Variants in INPP4B observed in about 807,000 individuals in gnomAD.
The protein encoded by INPP4B is inositol polyphosphate-4-phosphatase type II B, also known as inositol polyphosphate 4-phosphatase type II.
INPP4B carries 55 observed loss-of-function variants against 122.5 expected under a neutral mutation model. The ratio of observed to expected loss-of-function variants is 0.45; its 90% CI spans 0.36 to 0.56. INPP4B has a LOEUF of 0.56. INPP4B is among the 20% of genes least tolerant of loss of function. INPP4B has a pLI of 0.00. For missense variants in INPP4B, 1,000 were observed against 1,097.7 expected (o/e 0.91, Z 1.26); for synonymous variants, 403 against 388.7 (o/e 1.04, Z -0.43).
rs1191185119 is a variant in INPP4B, at chr4:142,538,037, TAAC to T, written c.-190-75314_-190-75312del. Among the ~76,000 whole-genome samples the T allele has an allele frequency of 2.6e-5, 4 of 151,990 alleles. No homozygotes were observed. In the East Asian group the frequency reaches 5.8e-4, roughly 22 times the overall value. ...TGGAGAACTTTTATACCTTAAAAAA[TAAC>T]AACAACAAAACCCTTACCTAGACCT... On this transcript the variant is annotated intron_variant, in intron 2 of 25. Coordinates refer to ENST00000262992, the MANE Select transcript of INPP4B (RefSeq NM_001101669.3).
intron 2 of INPP4B, among the ~76,000 whole-genome samples, chr4:142,494,126 T>C (rs1366194777): frequency 1.3e-5 from 2 of 152,164 alleles, no homozygotes; most frequent in Non-Finnish European, 2.9e-5. Flanking sequence ...ACCATGATTG[T>C]AAGTTTCCTG....
At chr4:142,112,440 T>C (rs1790672921) in intron 22 of INPP4B, 102 bp downstream of exon 22, 7 of 1,149,756 alleles carry the variant, frequency 6.1e-6, no homozygotes, top group Non-Finnish European at 8.8e-6. Context: ...ATGTTACTCA[T>C]AAATTGATGT....
chr4:142,094,557 G>A (rs1358293883), intron 23 of INPP4B, among the ~76,000 whole-genome samples: 1 of 152,168 alleles, frequency 6.6e-6, no homozygotes. Context: ...CCGTGCAAGA[G>A]CCAGACTGCT....
At chr4:142,497,226 A>G (rs1487169741) in intron 2 of INPP4B, among the ~76,000 whole-genome samples, 1 of 152,132 alleles carries the variant, frequency 6.6e-6, no homozygotes, top group Non-Finnish European at 1.5e-5. Flanking sequence ...CTCTGGTTGT[A>G]ACTAATGTGA....
intron 1 of INPP4B, among the ~76,000 whole-genome samples, chr4:142,769,073 A>G (rs977421946): frequency 2.0e-5 from 3 of 152,186 alleles, no homozygotes; most frequent in African/African-American, 7.2e-5. Flanking sequence ...ATAAGTTTTG[A>G]TGATTGGATA....
chr4:142,754,792 A>G (rs1445622283), intron 1 of INPP4B, among the ~76,000 whole-genome samples: 1 of 152,020 alleles, frequency 6.6e-6, no homozygotes, highest in Non-Finnish European at 1.5e-5. Flanking sequence ...GGCGTCAGAT[A>G]AAATTGCTTA....
At chr4:142,444,279 T>C (rs1812435199) in intron 3 of INPP4B, among the ~76,000 whole-genome samples, 1 of 152,122 alleles carries the variant, frequency 6.6e-6, no homozygotes, top group Non-Finnish European at 1.5e-5. Context: ...GTCAAATGGA[T>C]AGATTGCAAA....
intron 1 of INPP4B, among the ~76,000 whole-genome samples, chr4:142,790,271 A>C (rs1776355786): frequency 6.6e-6 from 1 of 152,176 alleles, no homozygotes; most frequent in Non-Finnish European, 1.5e-5. Context: ...AGCAGAGTAA[A>C]CAGACAACCC....
chr4:142,033,870 TTGCCCA>T (rs1742070877), intron 25 of INPP4B, among the ~76,000 whole-genome samples: 1 of 152,074 alleles, frequency 6.6e-6, no homozygotes, highest in Non-Finnish European at 1.5e-5. Context: ...TTTCACCATG[TTGCCCA>T]GGCTTTTCTC....
intron 7 of INPP4B, among the ~76,000 whole-genome samples, chr4:142,329,122 G>A (rs1192331924): frequency 6.6e-6 from 1 of 152,198 alleles, no homozygotes; most frequent in Non-Finnish European, 1.5e-5. Context: ...CTAGCATCAG[G>A]AAGACATGGA....
intron 2 of INPP4B, among the ~76,000 whole-genome samples, chr4:142,724,917 T>C (rs1375106117): frequency 6.6e-6 from 1 of 152,066 alleles, no homozygotes; most frequent in Non-Finnish European, 1.5e-5. Flanking sequence ...TAAAACCCAA[T>C]CAATTCTAGT....
At chr4:142,336,821 C>T (rs541404785) in intron 7 of INPP4B, among the ~76,000 whole-genome samples, 145 of 152,162 alleles carry the variant, frequency 9.5e-4, no homozygotes, top group Non-Finnish European at 1.6e-3. Flanking sequence ...TCTGGTTGGC[C>T]AAGTGGCACT....
intron 21 of INPP4B, among the ~76,000 whole-genome samples, chr4:142,115,423 T>G (rs928560954): frequency 6.6e-6 from 1 of 152,150 alleles, no homozygotes; most frequent in Non-Finnish European, 1.5e-5. Flanking sequence ...AAGATTGGGT[T>G]ACCCACAAAG....
chr4:142,243,665 C>A (rs1860636270), intron 11 of INPP4B, among the ~76,000 whole-genome samples: 1 of 151,994 alleles, frequency 6.6e-6, no homozygotes, highest in Admixed American at 6.6e-5. Context: ...AATTTAGTAA[C>A]ACATTAATGA....
intron 2 of INPP4B, among the ~76,000 whole-genome samples, chr4:142,717,387 G>T (rs1763917933): frequency 6.6e-6 from 1 of 152,104 alleles, no homozygotes; most frequent in Non-Finnish European, 1.5e-5. Context: ...TTTTGCAGAA[G>T]AAGGCAATAT....
At chr4:142,222,223 G>A (rs1345431187) in intron 12 of INPP4B, among the ~76,000 whole-genome samples, 2 of 152,222 alleles carry the variant, frequency 1.3e-5, no homozygotes, top group South Asian at 2.1e-4. Context: ...GCCTCCCAAA[G>A]TGCTGGGATT....
chr4:142,101,198 ACATTGGG>A (rs1784320092), intron 23 of INPP4B, among the ~76,000 whole-genome samples: 1 of 152,172 alleles, frequency 6.6e-6, no homozygotes, highest in African/African-American at 2.4e-5. Flanking sequence ...GCAATGAACC[ACATTGGG>A]ATGTTGTGAG....
chr4:142,035,315 G>C (rs886824772), intron 25 of INPP4B, among the ~76,000 whole-genome samples: 1 of 152,108 alleles, frequency 6.6e-6, no homozygotes, highest in African/African-American at 2.4e-5. Flanking sequence ...TCGTCCCAAC[G>C]TAGGTGCACA....
intron 3 of INPP4B, among the ~76,000 whole-genome samples, chr4:142,448,695 A>G (rs1813474928): frequency 6.6e-6 from 1 of 152,218 alleles, no homozygotes; most frequent in African/African-American, 2.4e-5. Flanking sequence ...AAGGAAAACT[A>G]CTTTGAAGGC....
Sources: gnomAD v4.1 joint callset for allele counts (sites outside exome capture counted in the v4.1 genomes callset) on GRCh38, gnomAD v4.1.1 for gene constraint, MANE v1.5 for transcripts, NCBI Gene and HGNC (gene_info 2026-07-23, HGNC 2026-07-21) for gene names.